The following SMG6 variants were observed in gnomAD, a reference collection of about 807,000 sequenced individuals.
SMG6 encodes telomerase-binding protein EST1A.
Under a neutral mutation model 142.2 loss-of-function variants are expected in SMG6, and 66 were observed. The ratio of observed to expected loss-of-function variants is 0.46; its 90% CI spans 0.38 to 0.57. The LOEUF is 0.57. Ranked by LOEUF, SMG6 falls within the 20% of genes least tolerant of loss-of-function variation. The probability of loss-of-function intolerance (pLI) is 0.00; values close to 1 mark genes in which losing one functional copy is unlikely to be tolerated. For synonymous variants in SMG6, 779 were observed against 702.4 expected (o/e 1.11, Z -1.72); for missense variants, 1,793 against 1,832.0 (o/e 0.98, Z 0.39).
intron 13 of SMG6, among the ~76,000 whole-genome samples, chr17:2,114,161 T>C (rs1484885145): frequency 1.3e-5 from 2 of 152,172 alleles, no homozygotes; most frequent in African/African-American, 2.4e-5. Flanking sequence ...TCCCAGCTAC[T>C]TGGGAGGCTG....
chr17:2,117,538 C>T (rs2069545964), intron 13 of SMG6: 1 of 152,010 alleles, frequency 6.6e-6, no homozygotes, highest in African/African-American at 2.4e-5. Context: ...AATTTAGAAA[C>T]AATTCCATTT....
intron 13 of SMG6, among the ~76,000 whole-genome samples, chr17:2,111,552 C>T (rs969465263): frequency 6.6e-6 from 1 of 152,142 alleles, no homozygotes; most frequent in Non-Finnish European, 1.5e-5. Flanking sequence ...GCTGGGACCA[C>T]AGGCGCCTGC....
chr17:2,104,053 G>C (rs1426957218), intron 13 of SMG6, among the ~76,000 whole-genome samples: 1 of 151,704 alleles, frequency 6.6e-6, no homozygotes, highest in East Asian at 1.9e-4. Flanking sequence ...CCAGGTTCAA[G>C]TCATTCTCCT....
intron 15 of SMG6, among the ~76,000 whole-genome samples, chr17:2,079,431 G>A (rs1432383254): frequency 6.6e-6 from 1 of 151,954 alleles, no homozygotes; most frequent in Non-Finnish European, 1.5e-5. Context: ...TCAAGAGATT[G>A]AGACCATCCT....
chr17:2,162,419 CAGG>C (rs1199254793), intron 13 of SMG6, among the ~76,000 whole-genome samples: 1 of 147,804 alleles, frequency 6.8e-6, no homozygotes, highest in Admixed American at 7.0e-5. Context: ...GAGGCTGAGG[CAGG>C]AGAATGGTGT....
rs1399835993 is a variant in SMG6 at position 2,258,024 on chromosome 17, A to AT, written c.2662-13306_2662-13305insA. ...ACTCTGTCGCAAAAAAAAAAAAAAA[A>AT]AAAAAAAAAAATATACACACACACA... is the stretch of plus-strand genomic sequence containing the variant. On this transcript the variant is annotated intron_variant, in intron 8 of 18. Transcript: ENST00000263073. Among the ~76,000 whole-genome samples the AT allele has an allele frequency of 4.7e-4, 27 of 57,668 alleles. 1 individual carries two copies. The highest frequency in any genetic ancestry group is 7.0e-4 in the East Asian group (1 of 1,434). The allele number at this position is 57,668 out of a possible 152,430, so 37.8% of individuals were successfully genotyped here.
intron 12 of SMG6, among the ~76,000 whole-genome samples, chr17:2,186,375 C>T (rs2071984652): frequency 6.6e-6 from 1 of 151,792 alleles, no homozygotes; most frequent in Non-Finnish European, 1.5e-5. Context: ...GGTGAGTATG[C>T]ACAATATGGA....
intron 13 of SMG6, chr17:2,088,417 T>C: frequency 2.0e-6 from 2 of 985,252 alleles, no homozygotes; most frequent in Non-Finnish European, 2.4e-6. Flanking sequence ...CAACGAGGAG[T>C]AGCCCTCTCC....
intron 9 of SMG6, among the ~76,000 whole-genome samples, chr17:2,243,716 C>T (rs998442803): frequency 5.9e-5 from 9 of 152,084 alleles, no homozygotes; most frequent in Non-Finnish European, 8.8e-5. Context: ...GATAAACTTA[C>T]GAAGTTATGA....
At chr17:2,298,884 G>C (rs72819599) in intron 2 of SMG6, 22 bp downstream of exon 2, 85,013 of 1,596,022 alleles carry the variant, frequency 0.053, 2,793 homozygotes, top group Non-Finnish European at 0.057. Flanking sequence ...TTTCCCTCCA[G>C]CCAGAATAGA....
At chr17:2,120,934 G>A (rs752876491) in intron 13 of SMG6, among the ~76,000 whole-genome samples, 6 of 152,078 alleles carry the variant, frequency 3.9e-5, no homozygotes, top group African/African-American at 1.2e-4. Flanking sequence ...CTTGGGCCAC[G>A]CGTAAAATAT....
At chr17:2,253,100 C>A (rs115524707) in intron 8 of SMG6, among the ~76,000 whole-genome samples, 3,090 of 150,550 alleles carry the variant, frequency 0.021, 126 homozygotes, top group African/African-American at 0.071. Context: ...ACATGGCCCA[C>A]AAAGCCTAAA....
intron 10 of SMG6, among the ~76,000 whole-genome samples, chr17:2,192,554 T>C (rs1278304608): frequency 1.3e-5 from 2 of 152,208 alleles, no homozygotes; most frequent in Non-Finnish European, 2.9e-5. Context: ...AGACCACTTA[T>C]TCACCAATTC....
intron 4 of SMG6, among the ~76,000 whole-genome samples, chr17:2,296,592 T>G (rs569317929): frequency 1.3e-5 from 2 of 152,228 alleles, no homozygotes; most frequent in South Asian, 4.1e-4. Flanking sequence ...TATTGTGAAC[T>G]AAGCATGCGA....
intron 8 of SMG6, among the ~76,000 whole-genome samples, chr17:2,251,714 T>G (rs565264011): frequency 2.8e-4 from 43 of 152,256 alleles, no homozygotes; most frequent in Non-Finnish European, 5.1e-4. Context: ...GCTAAATCAG[T>G]AGGCAGCTCC....
At chr17:2,110,081 CAAAAAAAA>C (rs57135671) in intron 13 of SMG6, among the ~76,000 whole-genome samples, 1 of 87,916 alleles carries the variant, frequency 1.1e-5, no homozygotes, top group East Asian at 3.8e-4. Context: ...GATTCCATCT[CAAAAAAAA>C]AAAAAAAAAA....
chr17:2,148,659 G>A (rs953193594), intron 13 of SMG6, among the ~76,000 whole-genome samples: 3 of 152,176 alleles, frequency 2.0e-5, no homozygotes, highest in African/African-American at 7.2e-5. Flanking sequence ...AGGAGCTCAA[G>A]ACCAACCTGG....
At chr17:2,111,382 C>G (rs187116413) in intron 13 of SMG6, among the ~76,000 whole-genome samples, 3 of 152,072 alleles carry the variant, frequency 2.0e-5, no homozygotes, top group African/African-American at 7.2e-5. Flanking sequence ...AAGGTGCAAG[C>G]CACAAAAAAG....
At chr17:2,219,805 AAAAAAAAAAAAAAAAAGAAAAGAAAAAG>A (rs2073122673) in intron 10 of SMG6, among the ~76,000 whole-genome samples, 1 of 13,586 alleles carries the variant, frequency 7.4e-5, no homozygotes, top group African/African-American at 4.5e-4. Context: ...CCCTTTATCA[AAAAAAAAAAAAAAAAAGAAAAGAAAAAG>A]AAAAAAGAAA....
Sources: gnomAD v4.1 joint callset for allele counts (sites outside exome capture counted in the v4.1 genomes callset) on GRCh38, gnomAD v4.1.1 for gene constraint, MANE v1.5 for transcripts, NCBI Gene and HGNC (gene_info 2026-07-23, HGNC 2026-07-21) for gene names.